NRXN1: variants seen among roughly 807,000 people sequenced by gnomAD.
NRXN1 encodes the protein neurexin-1.
Under a neutral mutation model 150.9 loss-of-function variants are expected in NRXN1, and 39 were observed. The ratio of observed to expected loss-of-function variants is 0.26; its 90% CI spans 0.20 to 0.34. The LOEUF (loss-of-function observed/expected upper bound fraction) is 0.34, where lower values mean the gene tolerates loss of function less well. NRXN1 is among the 10% of genes least tolerant of loss of function. NRXN1 has a pLI of 1.00. For synonymous variants in NRXN1, 924 were observed against 757.0 expected, an observed-to-expected ratio of 1.22 and a Z score of -3.62; for missense variants, 1,815 against 1,949.9, an observed-to-expected ratio of 0.93 and a Z score of 1.30.
chr2:50,483,920 A>G, intron 15 of NRXN1, among the ~76,000 whole-genome samples: 1 of 152,160 alleles, frequency 6.6e-6, no homozygotes, highest in African/African-American at 2.4e-5. Context: ...TCCCAAAATA[A>G]CTTTTCTTAT....
At chr2:50,050,127 C>A (rs1692462214) in intron 21 of NRXN1, among the ~76,000 whole-genome samples, 1 of 146,562 alleles carries the variant, frequency 6.8e-6, no homozygotes, top group Non-Finnish European at 1.5e-5. Flanking sequence ...AAACATTGGG[C>A]TGAAAATTGA....
At chr2:50,269,152 C>A (rs181147409) in intron 17 of NRXN1, among the ~76,000 whole-genome samples, 21 of 152,222 alleles carry the variant, frequency 1.4e-4, no homozygotes, top group Admixed American at 1.2e-3. Flanking sequence ...TAATATTGTG[C>A]AAGAATCTGT....
intron 2 of NRXN1, among the ~76,000 whole-genome samples, chr2:51,011,622 T>C (rs1034058666): frequency 2.0e-5 from 3 of 151,996 alleles, no homozygotes; most frequent in Admixed American, 6.6e-5. Flanking sequence ...CCAAGACATG[T>C]GAACACAATT....
chr2:50,525,038 A>G (rs2092908949), intron 12 of NRXN1, among the ~76,000 whole-genome samples: 1 of 152,170 alleles, frequency 6.6e-6, no homozygotes. Context: ...TCCTGTACAG[A>G]ACCTACTAAC....
intron 5 of NRXN1, among the ~76,000 whole-genome samples, chr2:50,720,979 C>G (rs1696563259): frequency 6.6e-6 from 1 of 152,222 alleles, no homozygotes; most frequent in South Asian, 2.1e-4. Context: ...ACAACAAAGA[C>G]TCTCTCGTCT....
chr2:51,014,170 A>T (rs1359700626), intron 2 of NRXN1, among the ~76,000 whole-genome samples: 1 of 152,090 alleles, frequency 6.6e-6, no homozygotes, highest in Non-Finnish European at 1.5e-5. Flanking sequence ...TGAACAGACC[A>T]GGATGACTGT....
At chr2:50,723,086 A>G (rs1696886996) in intron 5 of NRXN1, among the ~76,000 whole-genome samples, 1 of 152,048 alleles carries the variant, frequency 6.6e-6, no homozygotes, top group Non-Finnish European at 1.5e-5. Flanking sequence ...CATACAATAT[A>G]CCTTTCCTAC....
chr2:50,584,979 T>G (rs997460779), intron 8 of NRXN1, among the ~76,000 whole-genome samples: 2 of 152,188 alleles, frequency 1.3e-5, no homozygotes, highest in Non-Finnish European at 2.9e-5. Context: ...TTGATGCTGT[T>G]TCTCAAACTT....
rs538917108 is a variant in NRXN1, at chr2:50,233,800, A to C, written c.3546+2989T>G. ...TCATAAGCAATAATCTAGAATTTAT[A>C]AATCTTATTTTTCCTTTTAAATTTC... On this transcript the variant is annotated intron_variant, in intron 18 of 22. Transcript: ENST00000401669. Among the ~76,000 whole-genome samples, 14 of 152,232 alleles carry C rather than the reference A, an allele frequency of 9.2e-5. No individual in the cohort carries two copies. In the South Asian group the frequency reaches 2.9e-3, roughly 32 times the overall value.
chr2:50,396,847 C>T (rs934749315), intron 17 of NRXN1, among the ~76,000 whole-genome samples: 2 of 152,050 alleles, frequency 1.3e-5, no homozygotes, highest in African/African-American at 4.8e-5. Flanking sequence ...TCTTCCAGAG[C>T]AGGTTTCTCA....
At chr2:50,538,124 C>T in intron 10 of NRXN1, 129 bp downstream of exon 10, 1 of 1,037,042 alleles carries the variant, frequency 9.6e-7, no homozygotes, top group Non-Finnish European at 1.4e-6. Flanking sequence ...GGTATGGCTG[C>T]TCAGCTTGCA....
At chr2:50,753,090 CTT>C (rs1238643870) in intron 5 of NRXN1, among the ~76,000 whole-genome samples, 3 of 151,736 alleles carry the variant, frequency 2.0e-5, no homozygotes, top group African/African-American at 7.3e-5. Context: ...ATTATTTAAT[CTT>C]GGTGTTAATT....
intron 17 of NRXN1, among the ~76,000 whole-genome samples, chr2:50,392,174 A>C (rs1262790748): frequency 1.3e-5 from 2 of 152,146 alleles, no homozygotes; most frequent in Non-Finnish European, 2.9e-5. Context: ...AATTCATCAA[A>C]CCAAACTTAT....
intron 17 of NRXN1, among the ~76,000 whole-genome samples, chr2:50,424,341 A>T (rs1350562633): frequency 6.8e-6 from 1 of 147,280 alleles, no homozygotes; most frequent in Non-Finnish European, 1.5e-5. Context: ...GGGGAGGAGG[A>T]GGAGGAAATA....
chr2:49,936,529 T>C (rs1165791852), intron 22 of NRXN1, among the ~76,000 whole-genome samples: 1 of 152,116 alleles, frequency 6.6e-6, no homozygotes, highest in East Asian at 1.9e-4. Context: ...TTCTCCCCAT[T>C]TTACAGACTA....
At chr2:50,397,519 T>C (rs2082126470) in intron 17 of NRXN1, among the ~76,000 whole-genome samples, 2 of 152,098 alleles carry the variant, frequency 1.3e-5, no homozygotes, top group African/African-American at 4.8e-5. Context: ...GTGGGTACTA[T>C]TATTAAGTCC....
chr2:51,025,007 T>C (rs1160613591), intron 2 of NRXN1, among the ~76,000 whole-genome samples: 1 of 152,104 alleles, frequency 6.6e-6, no homozygotes, highest in East Asian at 1.9e-4. Context: ...GAATCATCCA[T>C]TCTCAATTAA....
Position 50,997,859 on chromosome 2 carries a change from A to C in NRXN1, c.772+29643T>G, listed in dbSNP as rs1341928839. ...GGAACAATTGGAGCAATGCTTCTGAAGGCCAACACATAATAAACACTCTTC... is the reference window on the plus strand; with the variant it reads ...GGAACAATTGGAGCAATGCTTCTGACGGCCAACACATAATAAACACTCTTC... On this transcript the variant is annotated intron_variant, in intron 2 of 22. Transcript: ENST00000401669. Among the ~76,000 whole-genome samples the C allele has an allele frequency of 4.2e-5, 6 of 141,806 alleles. 1 individual carries two copies. The highest frequency in any genetic ancestry group is 6.0e-5 in the Non-Finnish European group (4 of 67,042). The allele number at this position is 141,806 out of a possible 152,430, so 93.0% of individuals were successfully genotyped here.
chr2:50,031,831 C>T (rs140638675), intron 21 of NRXN1, among the ~76,000 whole-genome samples: 1 of 152,146 alleles, frequency 6.6e-6, no homozygotes, highest in East Asian at 1.9e-4. Flanking sequence ...AAATCTAGTT[C>T]TCAGCCCTTA....
Sources: gnomAD v4.1 joint callset for allele counts (sites outside exome capture counted in the v4.1 genomes callset) on GRCh38, gnomAD v4.1.1 for gene constraint, MANE v1.5 for transcripts, NCBI Gene and HGNC (gene_info 2026-07-23, HGNC 2026-07-21) for gene names.